GPATCH1: variants seen among roughly 807,000 people sequenced by gnomAD.
The protein encoded by GPATCH1 is G-patch domain containing 1.
A neutral mutation model predicts 114.9 loss-of-function variants in GPATCH1; 73 were observed. The ratio of observed to expected loss-of-function variants is 0.64; its 90% CI spans 0.53 to 0.77. GPATCH1 has a LOEUF of 0.77. GPATCH1 is among the 30% of genes least tolerant of loss of function. GPATCH1 has a pLI of 0.00. For synonymous variants in GPATCH1, 391 were observed against 428.4 expected, an observed-to-expected ratio of 0.91 and a Z score of 1.08; for missense variants, 1,058 against 1,144.3, an observed-to-expected ratio of 0.92 and a Z score of 1.09.
intron 17 of GPATCH1, among the ~76,000 whole-genome samples, chr19:33,120,275 T>TATATATAAAAAATTATATAAA (rs1555721446): frequency 6.4e-5 from 9 of 140,508 alleles, no homozygotes; most frequent in African/African-American, 2.1e-4. Flanking sequence ...ATATAACAAT[T>TATATATAAAAAATTATATAAA]ATATATAAAA....
chr19:33,100,050 C>T (rs190339910), intron 8 of GPATCH1: 1,927 of 151,954 alleles, frequency 0.013, 24 homozygotes, highest in Middle Eastern at 0.021. Flanking sequence ...GAATTACAGG[C>T]GTGAGCTACC....
Position 33,109,789 on chromosome 19 carries a change from C to A in GPATCH1, c.1358C>A (p.Thr453Asn). 6.2e-7 allele frequency: 1 copy of A among 1,609,222 alleles called. No individual in the cohort carries two copies. The highest frequency in any genetic ancestry group is 8.5e-7 in the Non-Finnish European group (1 of 1,177,452). Residue 453 changes from threonine (T) to asparagine (N), a missense_variant, in exon 11 of 20, where the codon ACT becomes AAT. By Grantham distance (65) the Thr-to-Asn change is moderately conservative. Coordinates refer to ENST00000170564, the MANE Select transcript of GPATCH1 (RefSeq NM_018025.3). ...AGAATCAAAGAAATGAAGCAGGCAACTGACCTGAAAGCAGCTCAGCTCAAG... is the reference window on the plus strand; with the variant it reads ...AGAATCAAAGAAATGAAGCAGGCAAATGACCTGAAAGCAGCTCAGCTCAAG... Reference protein sequence around the residue: ...KERIKEMKQATDLKAAQLKAR... With the variant: ...KERIKEMKQANDLKAAQLKAR...
intron 9 of GPATCH1, among the ~76,000 whole-genome samples, chr19:33,102,300 A>C (rs1972735933): frequency 6.6e-6 from 1 of 151,944 alleles, no homozygotes; most frequent in Admixed American, 6.6e-5. Flanking sequence ...GCACCATTGC[A>C]CTCCAGCTTG....
In GPATCH1 at chr19:33,104,754, A is replaced by G. The variant is rs200378760; in HGVS notation, c.1081-1941A>G. Among the ~76,000 whole-genome samples the G allele has an allele frequency of 4.3e-4, 66 of 152,180 alleles. 1 individual carries two copies. Among genetic ancestry groups the G allele is most frequent in the Non-Finnish European group, 7.8e-4 (53 of 68,024 alleles). On this transcript the variant is annotated intron_variant, in intron 9 of 19. Coordinates refer to ENST00000170564, the MANE Select transcript of GPATCH1 (RefSeq NM_018025.3). ...GAGAGAGGGGTCAGTGCTTTCAGCC[A>G]CAGGGTTACTTCATCATGGACTTCA...
chr19:33,113,683 G>T, intron 13 of GPATCH1, 84 bp from the exon 14 acceptor site: 1 of 1,227,908 alleles, frequency 8.1e-7, no homozygotes, highest in South Asian at 1.3e-5. Context: ...CAGAAGAGGT[G>T]GAAAACTTGA....
intron 17 of GPATCH1, 60 bp downstream of exon 17, chr19:33,119,177 G>A: frequency 3.4e-6 from 3 of 890,282 alleles, no homozygotes; most frequent in Non-Finnish European, 5.3e-6. Context: ...CCTGAGATGG[G>A]GACAGTGTGA....
intron 1 of GPATCH1, 32 bp from the exon 2 acceptor site, chr19:33,088,102 A>G (rs1024646229): frequency 7.3e-7 from 1 of 1,376,440 alleles, no homozygotes. Context: ...TCTCTTTTTC[A>G]TTTAAAAAAC....
intron 17 of GPATCH1, 123 bp from the exon 18 acceptor site, chr19:33,124,982 C>A (rs1309467464): frequency 2.1e-6 from 2 of 955,788 alleles, no homozygotes; most frequent in Admixed American, 5.2e-5. Flanking sequence ...GGCAGGAGTT[C>A]TTCCTCAGTG....
At chr19:33,106,589 C>A in intron 9 of GPATCH1, 106 bp from the exon 10 acceptor site, 3 of 869,526 alleles carry the variant, frequency 3.5e-6, no homozygotes, top group South Asian at 1.5e-5. Flanking sequence ...AGTGTTAACC[C>A]GGGAAGGGGC....
At chr19:33,096,473 G>C (rs1421518583) in intron 7 of GPATCH1, 27 bp downstream of exon 7, 2 of 1,571,712 alleles carry the variant, frequency 1.3e-6, no homozygotes, top group South Asian at 2.3e-5. Flanking sequence ...TTTTATAAAG[G>C]GGGAGTCATT....
intron 18 of GPATCH1, among the ~76,000 whole-genome samples, chr19:33,126,060 G>A (rs1312187977): frequency 2.6e-5 from 4 of 152,158 alleles, no homozygotes; most frequent in African/African-American, 9.7e-5. Flanking sequence ...GCCACCAGAG[G>A]GAAGCACTCC....
At chr19:33,110,144 C>G (rs961057849) in intron 11 of GPATCH1, 128 bp downstream of exon 11, 10 of 770,460 alleles carry the variant, frequency 1.3e-5, no homozygotes, top group African/African-American at 3.6e-5. Context: ...TATCCTGCTG[C>G]AAATAGTGCA....
chr19:33,115,674 A>G (rs1972909416), intron 15 of GPATCH1, among the ~76,000 whole-genome samples: 1 of 151,472 alleles, frequency 6.6e-6, no homozygotes, highest in South Asian at 2.1e-4. Flanking sequence ...TTGTATTTTT[A>G]GTAGAGACGG....
intron 15 of GPATCH1, among the ~76,000 whole-genome samples, chr19:33,115,214 A>G (rs531943891): frequency 1.1e-4 from 15 of 132,452 alleles, no homozygotes; most frequent in Non-Finnish European, 2.2e-4. Context: ...ACACACCACC[A>G]TGCCTGGCTA....
intron 15 of GPATCH1, 45 bp from the exon 16 acceptor site, chr19:33,117,780 A>T (rs750604395): frequency 2.8e-5 from 38 of 1,365,990 alleles, no homozygotes; most frequent in Admixed American, 1.7e-5. Flanking sequence ...CCTCCCTTTT[A>T]CCCTTGCCTC....
rs1444797115 is a variant in GPATCH1 at position 33,088,215 on chromosome 19, C to A, written c.155C>A (p.Ala52Asp). Residue 52 changes from alanine to aspartate, a missense_variant, in exon 2 of 20, where the codon GCC becomes GAC. By Grantham distance (126) the Ala-to-Asp change is moderately radical. Coordinates refer to ENST00000170564, the MANE Select transcript of GPATCH1 (RefSeq NM_018025.3). ...GGAAGGTATAAACGATTCCACGGGG[C>A]CTTTAGTGGAGGTTTCTCTGCTGGA... Reference protein sequence around the residue: ...EKGRYKRFHGAFSGGFSAGYF... With the variant: ...EKGRYKRFHGDFSGGFSAGYF... 6.2e-7 allele frequency: 1 copy of A among 1,603,908 alleles called. No homozygotes were observed. Among genetic ancestry groups the A allele is most frequent in the Non-Finnish European group, 8.5e-7 (1 of 1,172,750 alleles).
At chr19:33,119,763 T>A (rs1972956502) in intron 17 of GPATCH1, among the ~76,000 whole-genome samples, 2 of 151,132 alleles carry the variant, frequency 1.3e-5, no homozygotes, top group Non-Finnish European at 2.9e-5. Context: ...CTCACACCTG[T>A]TATCCCAGCA....
chr19:33,086,236 G>A (rs1972532767), intron 1 of GPATCH1, among the ~76,000 whole-genome samples: 1 of 152,160 alleles, frequency 6.6e-6, no homozygotes, highest in Non-Finnish European at 1.5e-5. Flanking sequence ...CCATGAAATG[G>A]TGAACATCTT....
At chr19:33,087,260 T>G (rs886533653) in intron 1 of GPATCH1, among the ~76,000 whole-genome samples, 4 of 152,144 alleles carry the variant, frequency 2.6e-5, no homozygotes, top group Admixed American at 1.3e-4. Context: ...ATTTTTTTTA[T>G]TTTTTAAAAA....
Sources: allele counts gnomAD v4.1 joint callset (sites outside exome capture counted in the v4.1 genomes callset), GRCh38; gene constraint gnomAD v4.1.1; transcripts MANE v1.5; gene names NCBI Gene and HGNC (gene_info 2026-07-23, HGNC 2026-07-21).